RBFOX1: variants seen among roughly 807,000 people sequenced by gnomAD.
RBFOX1 encodes RNA binding fox-1 homolog 1.
Under a neutral mutation model 57.7 loss-of-function variants are expected in RBFOX1, and 8 were observed. The ratio of observed to expected loss-of-function variants is 0.14; its 90% CI spans 0.08 to 0.25. The LOEUF (loss-of-function observed/expected upper bound fraction) is 0.25, where lower values mean the gene tolerates loss of function less well. RBFOX1 is among the 10% of genes least tolerant of loss of function. RBFOX1 has a pLI of 1.00. For synonymous variants in RBFOX1, 326 were observed against 222.4 expected, an observed-to-expected ratio of 1.47 and a Z score of -4.15; for missense variants, 611 against 548.5, an observed-to-expected ratio of 1.11 and a Z score of -1.14.
chr16:6,235,663 G>T (rs902451897), intron 1 of RBFOX1, among the ~76,000 whole-genome samples: 1 of 151,310 alleles, frequency 6.6e-6, no homozygotes, highest in South Asian at 2.1e-4. Flanking sequence ...TATATGATAG[G>T]ATGCTACTTA....
rs556294516 is a variant in RBFOX1 at position 5,450,829 on chromosome 16, A to G, written c.220-16387A>G. On this transcript the variant is annotated intron_variant, in intron 1 of 2. Transcript: ENST00000585867. ...GGATTCAGAGCTAGAAGTGTGCACCAGATGCACACAGGAGCCCAGTTTGGG... is the reference window on the plus strand; with the variant it reads ...GGATTCAGAGCTAGAAGTGTGCACCGGATGCACACAGGAGCCCAGTTTGGG... Among the ~76,000 whole-genome samples, 5 of 152,308 alleles carry G rather than the reference A, an allele frequency of 3.3e-5. No individual in the cohort carries two copies. In the East Asian group the frequency reaches 9.7e-4, roughly 29 times the overall value.
intron 3 of RBFOX1, among the ~76,000 whole-genome samples, chr16:6,830,885 G>A (rs1047097571): frequency 2.2e-4 from 33 of 152,120 alleles, no homozygotes; most frequent in African/African-American, 8.0e-4. Flanking sequence ...CCCACCTCCT[G>A]GTCAGGTTGA....
At chr16:7,480,412 A>C (rs868196262) in intron 4 of RBFOX1, among the ~76,000 whole-genome samples, 21 of 152,196 alleles carry the variant, frequency 1.4e-4, no homozygotes, top group African/African-American at 4.8e-4. Context: ...CTGCTCAGAA[A>C]ATTTCTCGTT....
chr16:7,009,898 G>GA (rs2093566767), intron 3 of RBFOX1, among the ~76,000 whole-genome samples: 1 of 152,116 alleles, frequency 6.6e-6, no homozygotes, highest in East Asian at 1.9e-4. Flanking sequence ...GTTTAGCTGT[G>GA]AACAAGTTTA....
chr16:7,207,254 G>T (rs950784559), intron 4 of RBFOX1, among the ~76,000 whole-genome samples: 17 of 152,134 alleles, frequency 1.1e-4, no homozygotes, highest in Non-Finnish European at 2.4e-4. Context: ...CGTTATGGGG[G>T]TTCCTCTGGT....
At chr16:6,533,646 A>G (rs2345022) in intron 2 of RBFOX1, among the ~76,000 whole-genome samples, 42,888 of 152,098 alleles carry the variant, frequency 0.28, 6,977 homozygotes, top group Middle Eastern at 0.42. Context: ...AGTCTTTTCA[A>G]CAAATAATCC....
At chr16:5,476,508 G>C (rs1050570587) in intron 2 of RBFOX1, among the ~76,000 whole-genome samples, 1 of 152,222 alleles carries the variant, frequency 6.6e-6, no homozygotes, top group African/African-American at 2.4e-5. Flanking sequence ...GGTCAAGTAA[G>C]TGAACTCTGA....
intron 4 of RBFOX1, among the ~76,000 whole-genome samples, chr16:5,921,512 A>G (rs1417583893): frequency 1.3e-5 from 2 of 152,194 alleles, no homozygotes; most frequent in Non-Finnish European, 2.9e-5. Context: ...TCAAGATGAA[A>G]TTGATTTTGA....
At chr16:7,216,631 C>T (rs1052480145) in intron 4 of RBFOX1, among the ~76,000 whole-genome samples, 3 of 151,794 alleles carry the variant, frequency 2.0e-5, no homozygotes, top group African/African-American at 7.3e-5. Flanking sequence ...GTACTCCAGC[C>T]TGGGCAACAG....
At chr16:7,009,618 T>C (rs894810253) in intron 3 of RBFOX1, among the ~76,000 whole-genome samples, 6 of 152,162 alleles carry the variant, frequency 3.9e-5, no homozygotes, top group Non-Finnish European at 8.8e-5. Context: ...GAGAAGCTGA[T>C]GTATAGCATA....
intron 4 of RBFOX1, among the ~76,000 whole-genome samples, chr16:7,252,225 C>T (rs1313996696): frequency 6.6e-6 from 1 of 152,156 alleles, no homozygotes; most frequent in Non-Finnish European, 1.5e-5. Context: ...TTGTTTGTTT[C>T]CCCCATATCT....
At chr16:6,969,148 C>T (rs2084951680) in intron 3 of RBFOX1, among the ~76,000 whole-genome samples, 1 of 152,118 alleles carries the variant, frequency 6.6e-6, no homozygotes, top group South Asian at 2.1e-4. Flanking sequence ...CCACTTTTAG[C>T]TGTCTGTCCC....
chr16:5,437,281 T>C (rs1308616303), intron 1 of RBFOX1, among the ~76,000 whole-genome samples: 1 of 152,186 alleles, frequency 6.6e-6, no homozygotes, highest in Non-Finnish European at 1.5e-5. Flanking sequence ...GCCAAAGTCA[T>C]TGTCACTCTG....
At chr16:5,489,565 G>C (rs893851620) in intron 2 of RBFOX1, among the ~76,000 whole-genome samples, 1 of 152,160 alleles carries the variant, frequency 6.6e-6, no homozygotes, top group Non-Finnish European at 1.5e-5. Context: ...TGGGGACAAT[G>C]GTGTCTATTC....
chr16:7,212,434 A>C (rs753764155), intron 4 of RBFOX1, among the ~76,000 whole-genome samples: 3 of 152,160 alleles, frequency 2.0e-5, no homozygotes, highest in Non-Finnish European at 4.4e-5. Flanking sequence ...TTTTAAATGA[A>C]TAGGCATACT....
chr16:6,157,994 T>C (rs2096850562), intron 1 of RBFOX1, among the ~76,000 whole-genome samples: 1 of 152,224 alleles, frequency 6.6e-6, no homozygotes, highest in Admixed American at 6.5e-5. Flanking sequence ...ACTAATTGGC[T>C]GAACCTGGTC....
At chr16:7,471,913 G>A (rs2061619626) in intron 4 of RBFOX1, among the ~76,000 whole-genome samples, 1 of 152,068 alleles carries the variant, frequency 6.6e-6, no homozygotes, top group South Asian at 2.1e-4. Flanking sequence ...TGCTTCCATG[G>A]GTCAAATGTC....
At chr16:6,811,419 C>A (rs958406450) in intron 3 of RBFOX1, among the ~76,000 whole-genome samples, 4 of 152,150 alleles carry the variant, frequency 2.6e-5, no homozygotes, top group African/African-American at 9.7e-5. Context: ...TTTAATGTTT[C>A]ATTGGCTATT....
intron 2 of RBFOX1, among the ~76,000 whole-genome samples, chr16:5,566,051 A>G (rs190065089): frequency 6.6e-6 from 1 of 152,174 alleles, no homozygotes; most frequent in Non-Finnish European, 1.5e-5. Flanking sequence ...TCTTTGCCAT[A>G]TGAGATGTGA....
Sources: allele counts gnomAD v4.1 joint callset (sites outside exome capture counted in the v4.1 genomes callset), GRCh38; gene constraint gnomAD v4.1.1; transcripts MANE v1.5; gene names NCBI Gene and HGNC (gene_info 2026-07-23, HGNC 2026-07-21).